FDX1: variants seen among roughly 807,000 people sequenced by gnomAD.
FDX1 encodes ferredoxin 1.
In FDX1, 9 loss-of-function variants were observed where a neutral mutation model predicts 14.9. The observed-to-expected ratio is 0.60, with a 90% CI of 0.36 to 1.05. The LOEUF (loss-of-function observed/expected upper bound fraction) is 1.05. FDX1 is among the 50% of genes least tolerant of loss of function. FDX1 has a pLI of 0.01. For missense variants in FDX1, 204 were observed against 237.2 expected (o/e 0.86, Z 0.92); for synonymous variants, 92 against 99.4 (o/e 0.93, Z 0.44).
At position 110,464,727 on chromosome 11, in the gene FDX1, C is replaced by G. The variant is rs1396213631; in HGVS notation, c.*2259C>G. ...TTTGTGTGTGGATTACCTAAACTCT[C>G]CTTCCAGAGCTACTTTAATGATTAT... On this transcript the variant is annotated 3_prime_UTR_variant, in exon 4 of 4. Transcript: ENST00000260270. 6.6e-6 allele frequency: 1 copy of G among 152,140 alleles called. No individual in the cohort carries two copies. Among genetic ancestry groups the G allele is most frequent in the African/African-American group, 2.4e-5 (1 of 41,426 alleles). The allele number at this position is 152,140 out of a possible 1,614,324, so 9.4% of individuals were successfully genotyped here. A position where few individuals can be genotyped will look rare whatever the true frequency, so the allele number is the denominator to read the frequency against.
chr11:110,457,123 C>G, intron 3 of FDX1, 76 bp downstream of exon 3: 1 of 1,317,290 alleles, frequency 7.6e-7, no homozygotes, highest in Admixed American at 2.0e-5. Flanking sequence ...CTATGTAAGA[C>G]CAGACCCATA....
Position 110,453,332 on chromosome 11 carries a change from G to A in FDX1, c.311-3586G>A, listed in dbSNP as rs150447613. The stretch of plus-strand genomic sequence containing the variant: ...CAGTCCAGGCAACAAGAGTAAGACT[G>A]TCTGAAAAAACAAACAAACACAACA... On this transcript the variant is annotated intron_variant, in intron 2 of 3. Coordinates refer to ENST00000260270, the MANE Select transcript of FDX1 (RefSeq NM_004109.5). Among the ~76,000 whole-genome samples, 392 of 152,168 alleles carry A rather than the reference G, an allele frequency of 2.6e-3. 1 individual carries two copies. Among genetic ancestry groups the A allele is most frequent in the Non-Finnish European group, 4.7e-3 (319 of 67,984 alleles).
intron 1 of FDX1, 136 bp from the exon 2 acceptor site, chr11:110,435,697 TA>T (rs572827954): frequency 2.8e-5 from 16 of 570,812 alleles, no homozygotes; most frequent in Middle Eastern, 4.6e-4. Context: ...AAAATAAAAA[TA>T]AAAAAAATTA....
intron 2 of FDX1, among the ~76,000 whole-genome samples, chr11:110,453,998 GA>G (rs1021240601): frequency 4.6e-5 from 7 of 152,112 alleles, no homozygotes; most frequent in Non-Finnish European, 7.4e-5. Context: ...TTTTTTGGCA[GA>G]AAAGGTTCGA....
chr11:110,445,225 A>T (rs1008318344), intron 2 of FDX1, among the ~76,000 whole-genome samples: 2 of 152,220 alleles, frequency 1.3e-5, no homozygotes, highest in Non-Finnish European at 2.9e-5. Context: ...TTTTACATGA[A>T]GTTACATATT....
intron 3 of FDX1, among the ~76,000 whole-genome samples, chr11:110,460,150 A>G (rs1946547521): frequency 6.6e-6 from 1 of 152,232 alleles, no homozygotes; most frequent in South Asian, 2.1e-4. Flanking sequence ...GACAGAGCTT[A>G]ATGCATAATT....
At chr11:110,450,168 G>C (rs1456011729) in intron 2 of FDX1, among the ~76,000 whole-genome samples, 1 of 152,046 alleles carries the variant, frequency 6.6e-6, no homozygotes, top group Non-Finnish European at 1.5e-5. Context: ...TACATTTATT[G>C]TGCACTTTAT....
At chr11:110,442,444 C>T (rs1412408058) in intron 2 of FDX1, among the ~76,000 whole-genome samples, 3 of 152,220 alleles carry the variant, frequency 2.0e-5, no homozygotes, top group African/African-American at 7.2e-5. Flanking sequence ...CATGGGAACC[C>T]AGCTCTTGCA....
chr11:110,435,268 CTCAAACTTCTGGCG>C (rs1354582432), intron 1 of FDX1, among the ~76,000 whole-genome samples: 3 of 152,206 alleles, frequency 2.0e-5, no homozygotes, highest in Non-Finnish European at 4.4e-5. Flanking sequence ...CCAGGCTGGT[CTCAAACTTCTGGCG>C]TCAAACAATC....
chr11:110,433,641 A>G (rs533404743), intron 1 of FDX1, among the ~76,000 whole-genome samples: 10 of 152,218 alleles, frequency 6.6e-5, no homozygotes, highest in Non-Finnish European at 1.2e-4. Flanking sequence ...TTCATGTTGA[A>G]AATTATGAAT....
At chr11:110,443,602 AC>A (rs1259676685) in intron 2 of FDX1, among the ~76,000 whole-genome samples, 1 of 151,562 alleles carries the variant, frequency 6.6e-6, no homozygotes, top group Non-Finnish European at 1.5e-5. Context: ...CACCACGCCC[AC>A]CTAATTTTTA....
intron 1 of FDX1, among the ~76,000 whole-genome samples, chr11:110,433,050 C>T (rs1173139593): frequency 6.6e-6 from 1 of 152,186 alleles, no homozygotes; most frequent in Non-Finnish European, 1.5e-5. Context: ...TAATGTTGTC[C>T]AATTTTATAG....
intron 2 of FDX1, among the ~76,000 whole-genome samples, chr11:110,437,624 G>A (rs989777055): frequency 6.6e-6 from 1 of 152,178 alleles, no homozygotes; most frequent in African/African-American, 2.4e-5. Context: ...CTTTTGAGAG[G>A]TGTCTGTTCA....
intron 3 of FDX1, among the ~76,000 whole-genome samples, chr11:110,457,259 AT>A (rs1353979508): frequency 6.6e-6 from 1 of 152,200 alleles, no homozygotes; most frequent in African/African-American, 2.4e-5. Context: ...AGTAAAAAAA[AT>A]TAATTGGAAG....
intron 2 of FDX1, among the ~76,000 whole-genome samples, chr11:110,446,875 C>G (rs1946453369): frequency 6.6e-6 from 1 of 152,196 alleles, no homozygotes; most frequent in African/African-American, 2.4e-5. Flanking sequence ...TGTCAGTCCC[C>G]TGATTAAAAG....
At chr11:110,442,293 C>T (rs538766945) in intron 2 of FDX1, among the ~76,000 whole-genome samples, 91 of 152,322 alleles carry the variant, frequency 6.0e-4, no homozygotes, top group African/African-American at 1.9e-3. Flanking sequence ...GGCCACTGCC[C>T]TCCAAACCTC....
intron 3 of FDX1, among the ~76,000 whole-genome samples, chr11:110,458,495 T>G (rs1373203048): frequency 6.6e-6 from 1 of 152,224 alleles, no homozygotes; most frequent in Admixed American, 6.5e-5. Flanking sequence ...TGTAAACTTA[T>G]TTTTAGGGTA....
chr11:110,440,601 T>C (rs1565380780), intron 2 of FDX1, among the ~76,000 whole-genome samples: 1 of 152,224 alleles, frequency 6.6e-6, no homozygotes, highest in Non-Finnish European at 1.5e-5. Context: ...GCTGTTGTGC[T>C]GTTGAAAAAA....
intron 2 of FDX1, among the ~76,000 whole-genome samples, chr11:110,451,983 T>TGTTGAAAACA (rs1946489458): frequency 6.6e-6 from 1 of 152,236 alleles, no homozygotes; most frequent in South Asian, 2.1e-4. Flanking sequence ...AGAAAGGGTA[T>TGTTGAAAACA]TCTTTTCAAC....
Sources: gnomAD v4.1 joint callset for allele counts (sites outside exome capture counted in the v4.1 genomes callset) on GRCh38, gnomAD v4.1.1 for gene constraint, MANE v1.5 for transcripts, NCBI Gene and HGNC (gene_info 2026-07-23, HGNC 2026-07-21) for gene names.